The following PRKN variants were observed in gnomAD, a reference collection of about 807,000 sequenced individuals.
The protein encoded by PRKN is E3 ubiquitin-protein ligase parkin.
In PRKN, 56 loss-of-function variants were observed where a neutral mutation model predicts 59.5. The ratio of observed to expected loss-of-function variants is 0.94; its 90% CI spans 0.76 to 1.18. The LOEUF is 1.18. Among genes scored for constraint, PRKN ranks in the 50% most tolerant of loss-of-function variants. PRKN has a pLI of 0.00. For synonymous variants in PRKN, 250 were observed against 222.1 expected (o/e 1.13, Z -1.12); for missense variants, 657 against 596.4 (o/e 1.10, Z -1.06).
At chr6:161,686,889 C>T (rs563357148) in intron 7 of PRKN, among the ~76,000 whole-genome samples, 1 of 152,326 alleles carries the variant, frequency 6.6e-6, no homozygotes, top group South Asian at 2.1e-4. Context: ...CCAGGAACCA[C>T]GCCTGACCTT....
chr6:162,279,182 C>T (rs572421068), intron 2 of PRKN, among the ~76,000 whole-genome samples: 1 of 151,570 alleles, frequency 6.6e-6, no homozygotes, highest in Admixed American at 6.6e-5. Flanking sequence ...ACTAAAAATA[C>T]AAAAAATTAG....
chr6:162,322,540 A>G (rs1002797486), intron 2 of PRKN, among the ~76,000 whole-genome samples: 2 of 152,164 alleles, frequency 1.3e-5, no homozygotes, highest in African/African-American at 4.8e-5. Flanking sequence ...TTCGGGTCTC[A>G]TTGTAAAGCT....
intron 9 of PRKN, among the ~76,000 whole-genome samples, chr6:161,520,195 G>A (rs1365007775): frequency 1.3e-5 from 2 of 148,754 alleles, no homozygotes; most frequent in Non-Finnish European, 3.0e-5. Context: ...TCACTTTCTT[G>A]GCTTCTCTCT....
chr6:162,665,297 C>G (rs966090769), intron 1 of PRKN, among the ~76,000 whole-genome samples: 2 of 151,944 alleles, frequency 1.3e-5, no homozygotes, highest in Non-Finnish European at 2.9e-5. Flanking sequence ...TTATCTCAGC[C>G]CAAAAACTTC....
intron 6 of PRKN, among the ~76,000 whole-genome samples, chr6:161,854,212 G>A (rs1318911142): frequency 2.0e-5 from 3 of 151,780 alleles, no homozygotes; most frequent in Non-Finnish European, 2.9e-5. Context: ...CCGAGATCAC[G>A]CTGTTGCATT....
chr6:161,884,474 T>G (rs1051928978), intron 6 of PRKN, among the ~76,000 whole-genome samples: 1 of 152,346 alleles, frequency 6.6e-6, no homozygotes, highest in South Asian at 2.1e-4. Flanking sequence ...ATGTATTTAA[T>G]ATAATTCGAC....
intron 2 of PRKN, among the ~76,000 whole-genome samples, chr6:162,329,716 CAAAAAATA>C (rs1314714554): frequency 6.7e-5 from 10 of 150,154 alleles, no homozygotes; most frequent in East Asian, 1.9e-4. Context: ...CAAAGGAAGC[CAAAAAATA>C]AAAAAATAAA....
At chr6:161,742,005 T>C (rs1562647731) in intron 7 of PRKN, among the ~76,000 whole-genome samples, 1 of 151,986 alleles carries the variant, frequency 6.6e-6, no homozygotes, top group East Asian at 1.9e-4. Context: ...GTCTTGCTCT[T>C]GTCACCGAGG....
chr6:161,954,961 A>G (rs191100963), intron 6 of PRKN, among the ~76,000 whole-genome samples: 2 of 152,342 alleles, frequency 1.3e-5, no homozygotes, highest in East Asian at 1.9e-4. Flanking sequence ...AAAGGCCAGG[A>G]GTTCACATGC....
chr6:161,355,297 G>A lies in PRKN; in HGVS notation c.1285+4791C>T, dbSNP rs755508325. On this transcript the variant is annotated intron_variant, in intron 11 of 11. Coordinates refer to ENST00000366898, the MANE Select transcript of PRKN (RefSeq NM_004562.3). The surrounding 1 kb of genome is among the most constrained non-coding windows in gnomAD (Gnocchi z 6.8). Reference sequence around the variant, plus strand: ...TCTCTTCCAGGAAGCCTCCTCCTCCGGGTCTGTGTGCCCTGATAGCTTGCT... The same window carrying A: ...TCTCTTCCAGGAAGCCTCCTCCTCCAGGTCTGTGTGCCCTGATAGCTTGCT... Among the ~76,000 whole-genome samples the A allele has an allele frequency of 9.9e-5, 15 of 152,194 alleles. No individual in the cohort carries two copies. Among genetic ancestry groups the A allele is most frequent in the Non-Finnish European group, 7.3e-5 (5 of 68,044 alleles).
intron 2 of PRKN, among the ~76,000 whole-genome samples, chr6:162,336,004 C>T (rs1372003448): frequency 2.6e-5 from 4 of 151,442 alleles, no homozygotes; most frequent in Admixed American, 2.0e-4. Context: ...CTGAGCAGTG[C>T]GGCCCATCTC....
intron 6 of PRKN, among the ~76,000 whole-genome samples, chr6:161,952,076 T>G (rs1780010754): frequency 6.6e-6 from 1 of 152,174 alleles, no homozygotes; most frequent in South Asian, 2.1e-4. Context: ...TGTGCTAAGT[T>G]AAAATTGATG....
intron 4 of PRKN, among the ~76,000 whole-genome samples, chr6:162,179,968 C>CTGTGTGTGTGTGTGTG (rs61592555): frequency 0.056 from 7,848 of 139,164 alleles, 338 homozygotes; most frequent in Non-Finnish European, 0.083. Context: ...TATCTTATTA[C>CTGTGTGTGTGTGTGTG]TGTGTGTGTG....
intron 2 of PRKN, among the ~76,000 whole-genome samples, chr6:162,422,131 T>C (rs2128159736): frequency 6.6e-6 from 1 of 152,346 alleles, no homozygotes; most frequent in East Asian, 1.9e-4. Flanking sequence ...AAACAGTTAC[T>C]AAGACACCAT....
At chr6:162,556,446 T>C (rs1273486996) in intron 1 of PRKN, among the ~76,000 whole-genome samples, 1 of 148,146 alleles carries the variant, frequency 6.8e-6, no homozygotes, top group Non-Finnish European at 1.5e-5. Flanking sequence ...CTCTAGTGCA[T>C]CATGTTGAAA....
intron 4 of PRKN, among the ~76,000 whole-genome samples, chr6:162,183,737 C>CT (rs1469865136): frequency 6.6e-5 from 10 of 152,268 alleles, no homozygotes; most frequent in African/African-American, 2.4e-4. Context: ...GCTTTGGGCT[C>CT]AATAGCCATA....
intron 9 of PRKN, among the ~76,000 whole-genome samples, chr6:161,453,937 T>C (rs1175865951): frequency 2.0e-5 from 3 of 152,106 alleles, no homozygotes; most frequent in Admixed American, 1.3e-4. Context: ...AGTATCTTAT[T>C]TTTTATTTAA....
intron 1 of PRKN, among the ~76,000 whole-genome samples, chr6:162,706,652 T>A (rs1310464934): frequency 3.9e-5 from 6 of 152,204 alleles, no homozygotes. Flanking sequence ...CTGGGTAACA[T>A]GGGGACCACA....
intron 3 of PRKN, among the ~76,000 whole-genome samples, chr6:162,245,404 A>G (rs550355940): frequency 2.4e-4 from 36 of 152,112 alleles, no homozygotes; most frequent in East Asian, 1.7e-3. Flanking sequence ...AATTTTTCCA[A>G]AGCCTTTTGA....
Sources: allele counts gnomAD v4.1 joint callset (sites outside exome capture counted in the v4.1 genomes callset), GRCh38; gene constraint gnomAD v4.1.1; non-coding constraint Gnocchi (gnomAD v3.1); transcripts MANE v1.5; gene names NCBI Gene and HGNC (gene_info 2026-07-23, HGNC 2026-07-21).